LDLRAD4: variants seen among roughly 807,000 people sequenced by gnomAD.
LDLRAD4 encodes low-density lipoprotein receptor class A domain-containing protein 4.
Under a neutral mutation model 17.0 loss-of-function variants are expected in LDLRAD4, and 5 were observed. The observed-to-expected ratio is 0.29, with a 90% CI of 0.15 to 0.62. The LOEUF is 0.62. Among genes scored for constraint, LDLRAD4 ranks in the 20% least tolerant of loss-of-function variants. The pLI, the probability that LDLRAD4 is intolerant of heterozygous loss-of-function variation, is 0.84. For missense variants in LDLRAD4, 340 were observed against 424.7 expected (o/e 0.80, Z 1.75); for synonymous variants, 168 against 171.8 (o/e 0.98, Z 0.17).
chr18:13,399,775 G>A (rs1199657959), intron 2 of LDLRAD4, among the ~76,000 whole-genome samples: 1 of 152,190 alleles, frequency 6.6e-6, no homozygotes, highest in Non-Finnish European at 1.5e-5. Flanking sequence ...TCTATTAATA[G>A]TTCATTTTTA....
intron 1 of LDLRAD4, among the ~76,000 whole-genome samples, chr18:13,306,565 C>T (rs1330343336): frequency 6.6e-6 from 1 of 152,148 alleles, no homozygotes; most frequent in African/African-American, 2.4e-5. Context: ...AGGCTCATTA[C>T]ACACGGCGTT....
intron 3 of LDLRAD4, among the ~76,000 whole-genome samples, chr18:13,566,315 A>C (rs2094600673): frequency 6.6e-6 from 1 of 151,844 alleles, no homozygotes; most frequent in African/African-American, 2.4e-5. Context: ...ATCTCTGTTC[A>C]GCACAACGGG....
intron 1 of LDLRAD4, among the ~76,000 whole-genome samples, chr18:13,268,976 G>A (rs986861602): frequency 3.9e-5 from 6 of 152,230 alleles, no homozygotes; most frequent in African/African-American, 1.4e-4. Context: ...ATTGGACCAT[G>A]TGAGGAACTA....
intron 1 of LDLRAD4, among the ~76,000 whole-genome samples, chr18:13,361,266 A>T (rs1045321028): frequency 1.3e-5 from 2 of 152,084 alleles, no homozygotes; most frequent in Non-Finnish European, 2.9e-5. Flanking sequence ...TTTAGTGGAG[A>T]TGGGGTTTCA....
chr18:13,310,615 C>T (rs1177638348), intron 1 of LDLRAD4, among the ~76,000 whole-genome samples: 1 of 152,118 alleles, frequency 6.6e-6, no homozygotes, highest in Non-Finnish European at 1.5e-5. Flanking sequence ...CCTACCCGCC[C>T]CTTCACCTCC....
chr18:13,517,554 A>G (rs2093885993), intron 3 of LDLRAD4, among the ~76,000 whole-genome samples: 1 of 152,152 alleles, frequency 6.6e-6, no homozygotes, highest in Non-Finnish European at 1.5e-5. Context: ...GTGTTCAGGG[A>G]GGGCGGCCCG....
At chr18:13,387,825 A>C in intron 2 of LDLRAD4, 63 bp downstream of exon 3, 1 of 1,427,832 alleles carries the variant, frequency 7.0e-7, no homozygotes, top group Non-Finnish European at 9.9e-7. Context: ...AAACTCCCAA[A>C]CCACTGCATG....
At chr18:13,422,530 T>C (rs1348911479) in intron 2 of LDLRAD4, among the ~76,000 whole-genome samples, 1 of 147,382 alleles carries the variant, frequency 6.8e-6, no homozygotes, top group African/African-American at 2.6e-5. Context: ...GACCCCCATC[T>C]CTACCAAAAA....
chr18:13,447,586 A>C (rs2091500843), intron 3 of LDLRAD4, among the ~76,000 whole-genome samples: 1 of 152,198 alleles, frequency 6.6e-6, no homozygotes, highest in Non-Finnish European at 1.5e-5. Context: ...TACTGCTTTC[A>C]TGTGTGCGGG....
chr18:13,283,900 C>G (rs892437612), intron 1 of LDLRAD4, among the ~76,000 whole-genome samples: 3 of 152,160 alleles, frequency 2.0e-5, no homozygotes, highest in African/African-American at 4.8e-5. Context: ...GCAAAAGGCA[C>G]TTCTTACAGG....
At chr18:13,568,219 G>C (rs975198410) in intron 3 of LDLRAD4, among the ~76,000 whole-genome samples, 2 of 151,970 alleles carry the variant, frequency 1.3e-5, no homozygotes, top group African/African-American at 2.4e-5. Flanking sequence ...ACTTGAACCT[G>C]GGAGGTGGAG....
chr18:13,519,311 A>G (rs2093917163), intron 3 of LDLRAD4, among the ~76,000 whole-genome samples: 1 of 152,140 alleles, frequency 6.6e-6, no homozygotes, highest in African/African-American at 2.4e-5. Context: ...TTCCAGAAAC[A>G]TGTGGCATCA....
chr18:13,293,297 A>G (rs2046074780), intron 1 of LDLRAD4, among the ~76,000 whole-genome samples: 1 of 152,336 alleles, frequency 6.6e-6, no homozygotes. Context: ...ACGTTTTGCC[A>G]CATAGACGAC....
At chr18:13,436,275 C>T (rs572183786) in intron 2 of LDLRAD4, among the ~76,000 whole-genome samples, 2 of 152,164 alleles carry the variant, frequency 1.3e-5, no homozygotes, top group South Asian at 2.1e-4. Context: ...AACATAGAAG[C>T]GGCTAATATA....
At chr18:13,259,234 A>C (rs1412469477) in intron 1 of LDLRAD4, among the ~76,000 whole-genome samples, 1 of 151,854 alleles carries the variant, frequency 6.6e-6, no homozygotes, top group East Asian at 1.9e-4. Context: ...GCTGGAGTGC[A>C]GTAGCGTGAT....
intron 1 of LDLRAD4, among the ~76,000 whole-genome samples, chr18:13,297,563 G>A (rs1396044205): frequency 6.6e-6 from 1 of 152,234 alleles, no homozygotes; most frequent in Non-Finnish European, 1.5e-5. Flanking sequence ...GGGGGGCTGA[G>A]GTGGGAGGAT....
At chr18:13,539,147 G>A (rs2094240158) in intron 3 of LDLRAD4, among the ~76,000 whole-genome samples, 5 of 152,140 alleles carry the variant, frequency 3.3e-5, no homozygotes, top group Admixed American at 3.3e-4. Flanking sequence ...TTGTTTGAGT[G>A]ATAAAAGCTT....
chr18:13,240,891 T>G (rs1049304565), intron 1 of LDLRAD4: 8 of 152,508 alleles, frequency 5.2e-5, no homozygotes, highest in African/African-American at 1.7e-4. Flanking sequence ...TGAGAGAGAA[T>G]TGGCCCTACT....
At chr18:13,469,250 T>C (rs947816315) in intron 3 of LDLRAD4, among the ~76,000 whole-genome samples, 2 of 152,200 alleles carry the variant, frequency 1.3e-5, no homozygotes, top group African/African-American at 4.8e-5. Context: ...TTGGCAAAGA[T>C]GTGGAGAAAT....
Sources: allele counts gnomAD v4.1 joint callset (sites outside exome capture counted in the v4.1 genomes callset), GRCh38; gene constraint gnomAD v4.1.1; transcripts MANE v1.5; gene names NCBI Gene and HGNC (gene_info 2026-07-23, HGNC 2026-07-21).